Variants in ICA1 observed in about 807,000 individuals in gnomAD.
The protein encoded by ICA1 is islet cell autoantigen 1.
ICA1 carries 40 observed loss-of-function variants against 71.0 expected under a neutral mutation model. That is an observed-to-expected ratio of 0.56 (90% CI 0.44 to 0.73). The LOEUF (loss-of-function observed/expected upper bound fraction) is 0.73. Ranked by LOEUF, ICA1 falls within the 30% of genes least tolerant of loss-of-function variation. The pLI, the probability that ICA1 is intolerant of heterozygous loss-of-function variation, is 0.00. For missense variants in ICA1, 578 were observed against 576.5 expected, an observed-to-expected ratio of 1.00 and a Z score of -0.03; for synonymous variants, 207 against 209.5, an observed-to-expected ratio of 0.99 and a Z score of 0.10.
chr7:8,127,123 G>C (rs1789526053), intron 13 of ICA1, among the ~76,000 whole-genome samples: 1 of 151,846 alleles, frequency 6.6e-6, no homozygotes, highest in Non-Finnish European at 1.5e-5. Flanking sequence ...TGGGATTACA[G>C]GCATGTGCCA....
At chr7:8,179,870 C>T (rs1229892613) in intron 6 of ICA1, among the ~76,000 whole-genome samples, 1 of 152,026 alleles carries the variant, frequency 6.6e-6, no homozygotes, top group Non-Finnish European at 1.5e-5. Context: ...CAGAGATACT[C>T]CTGATTATAT....
intron 8 of ICA1, chr7:8,156,751 T>C (rs952610177): frequency 3.0e-6 from 4 of 1,324,622 alleles, no homozygotes; most frequent in Non-Finnish European, 4.0e-6. Context: ...ACTGAGTTTA[T>C]GGGACTTGTA....
At chr7:8,115,790 T>TG in intron 13 of ICA1, among the ~76,000 whole-genome samples, 1 of 152,354 alleles carries the variant, frequency 6.6e-6, no homozygotes, top group African/African-American at 2.4e-5. Flanking sequence ...GAGGCTCCCT[T>TG]GGGGGACCTG....
chr7:8,157,100 C>G lies in ICA1; in HGVS notation c.804+16G>C, dbSNP rs1198988598. On this transcript the variant is annotated intron_variant, in intron 8 of 13. Transcript: ENST00000402384. Reference sequence around the variant, plus strand: ...CTTTTCTCAAGATTTTCTAGTGGCCCCTCTAGCTTCCATACCTTTAAAGTA... The same window carrying G: ...CTTTTCTCAAGATTTTCTAGTGGCCGCTCTAGCTTCCATACCTTTAAAGTA... 2 of 1,614,100 alleles carry G rather than the reference C, an allele frequency of 1.2e-6. No homozygotes were observed. Among genetic ancestry groups the G allele is most frequent in the East Asian group, 4.5e-5 (2 of 44,878 alleles).
chr7:8,210,681 G>A (rs1200082127), intron 6 of ICA1, among the ~76,000 whole-genome samples: 1 of 151,746 alleles, frequency 6.6e-6, no homozygotes, highest in African/African-American at 2.4e-5. Context: ...AAGGTGGGTT[G>A]TCTAACCATT....
In ICA1 at chr7:8,197,748, C is replaced by T. The variant is rs373635364; in HGVS notation, c.579+20557G>A. On this transcript the variant is annotated intron_variant, in intron 6 of 13. Transcript: ENST00000402384. The stretch of plus-strand genomic sequence containing the variant: ...TGGGAAAAGAGCTACCACTACTAAA[C>T]GTTGGAAGCTGGAAAGTAGATAGAT... Among the ~76,000 whole-genome samples the T allele has an allele frequency of 2.1e-3, 325 of 151,940 alleles. 3 individuals are homozygous for T. Among genetic ancestry groups the T allele is most frequent in the African/African-American group, 7.2e-3 (297 of 41,452 alleles).
Position 8,113,818 on chromosome 7 carries a change from TGGC to T in ICA1, c.*102_*104del. On this transcript the variant is annotated 3_prime_UTR_variant, in exon 14 of 14. Coordinates refer to ENST00000402384, the MANE Select transcript of ICA1 (RefSeq NM_001136020.3). The surrounding 1 kb of genome is among the most constrained non-coding windows in gnomAD (Gnocchi z 4.2). ...CGTTGACCCTTTCATTTTATTAAAA[TGGC>T]ACATAATTATTAAAACAGCATACTG... 8.3e-7 allele frequency: 1 copy of T among 1,208,652 alleles called. No individual in the cohort carries two copies. Among genetic ancestry groups the T allele is most frequent in the South Asian group, 1.3e-5 (1 of 77,092 alleles). 74.9% of individuals were successfully genotyped at this position (1,208,652 alleles called of 1,614,324 possible).
chr7:8,160,695 T>C (rs768552908), intron 6 of ICA1, among the ~76,000 whole-genome samples: 2 of 152,218 alleles, frequency 1.3e-5, no homozygotes, highest in African/African-American at 2.4e-5. Context: ...ACTTCTTCTG[T>C]ATTCTTGGTC....
rs147849278 is a variant in ICA1, at chr7:8,196,658, G to T, written c.579+21647C>A. On this transcript the variant is annotated intron_variant, in intron 6 of 13. Transcript: ENST00000402384. ...CGGGGAGTGAGTATGCAGAAACTCT[G>T]TATCTTTCAATTTTGCTGGGAAGCT... Among the ~76,000 whole-genome samples, 119 of 152,208 alleles carry T rather than the reference G, an allele frequency of 7.8e-4. No individual in the cohort carries two copies. The East Asian group carries it at 0.021, about 26-fold the overall frequency.
At chr7:8,146,859 C>T (rs542503338) in intron 8 of ICA1, among the ~76,000 whole-genome samples, 271 of 61,254 alleles carry the variant, frequency 4.4e-3, no homozygotes, top group Non-Finnish European at 5.9e-3. Flanking sequence ...TATTCATGTA[C>T]ACACACACAC....
chr7:8,126,131 C>T (rs572595246), intron 13 of ICA1, among the ~76,000 whole-genome samples: 1 of 152,338 alleles, frequency 6.6e-6, no homozygotes, highest in African/African-American at 2.4e-5. Context: ...GACTGACACT[C>T]AGCCACCCTG....
chr7:8,195,399 G>A (rs542145464), intron 6 of ICA1, among the ~76,000 whole-genome samples: 20 of 151,974 alleles, frequency 1.3e-4, no homozygotes, highest in African/African-American at 4.6e-4. Flanking sequence ...AAAATTAGCC[G>A]GGTGTGGTGG....
rs80337169 is a variant in ICA1 at position 8,249,404 on chromosome 7, C to T, written c.-80+12690G>A. 8.8e-4 allele frequency among the ~76,000 whole-genome samples: 134 copies of T among 152,336 alleles called. 1 individual carries two copies. Among genetic ancestry groups the T allele is most frequent in the African/African-American group, 3.1e-3 (128 of 41,578 alleles). ...GCAGTTGTGCATTATAATTTAAAGACACGCAACAGGGGAAACAGAGGGGCC... is the reference window on the plus strand; with the variant it reads ...GCAGTTGTGCATTATAATTTAAAGATACGCAACAGGGGAAACAGAGGGGCC... On this transcript the variant is annotated intron_variant, in intron 1 of 13. Transcript: ENST00000402384.
At chr7:8,253,732 C>T (rs1809030037) in intron 1 of ICA1, among the ~76,000 whole-genome samples, 1 of 152,080 alleles carries the variant, frequency 6.6e-6, no homozygotes, top group East Asian at 1.9e-4. Flanking sequence ...TACATGGGTT[C>T]TGCAGGGCTC....
intron 6 of ICA1, among the ~76,000 whole-genome samples, chr7:8,182,120 T>C (rs1237912645): frequency 6.6e-6 from 1 of 152,168 alleles, no homozygotes; most frequent in Non-Finnish European, 1.5e-5. Context: ...GAAACACTCT[T>C]ACCCTTTTTT....
chr7:8,261,890 A>C (rs951989820), intron 1 of ICA1: 1 of 152,086 alleles, frequency 6.6e-6, no homozygotes, highest in African/African-American at 2.4e-5. Flanking sequence ...GGCCGGAGGG[A>C]GGAGGGGAGG....
chr7:8,194,757 C>CT (rs911204496), intron 6 of ICA1, among the ~76,000 whole-genome samples: 22 of 151,326 alleles, frequency 1.5e-4, no homozygotes, highest in Non-Finnish European at 2.1e-4. Flanking sequence ...ATTGTCGTCA[C>CT]TTTTTTTTTA....
Position 8,193,001 on chromosome 7 carries a change from A to G in ICA1, c.579+25304T>C, listed in dbSNP as rs776673004. On this transcript the variant is annotated intron_variant, in intron 6 of 13. Transcript: ENST00000402384. ...ACCTGCCTCAAATTTGAATTTAACCATTTCTCCAAAAAGCCCTAGTTCCTT... is the reference window on the plus strand; with the variant it reads ...ACCTGCCTCAAATTTGAATTTAACCGTTTCTCCAAAAAGCCCTAGTTCCTT... 1.6e-4 allele frequency among the ~76,000 whole-genome samples: 24 copies of G among 152,264 alleles called. 1 individual carries two copies. Among genetic ancestry groups the G allele is most frequent in the South Asian group, 8.3e-4 (4 of 4,822 alleles).
At chr7:8,236,718 G>C (rs902921553) in intron 1 of ICA1, 5 of 152,266 alleles carry the variant, frequency 3.3e-5, no homozygotes, top group African/African-American at 4.8e-5. Context: ...GTAAATACTG[G>C]AGTCAATGTC....
Sources: gnomAD v4.1 joint callset for allele counts (sites outside exome capture counted in the v4.1 genomes callset) on GRCh38, gnomAD v4.1.1 for gene constraint, Gnocchi (gnomAD v3.1) non-coding constraint, MANE v1.5 for transcripts, NCBI Gene and HGNC (gene_info 2026-07-23, HGNC 2026-07-21) for gene names.